The following NPHP4 variants were observed in gnomAD, a reference collection of about 807,000 sequenced individuals.
NPHP4 encodes nephrocystin-4.
A neutral mutation model predicts 155.8 loss-of-function variants in NPHP4; 151 were observed. The observed-to-expected ratio is 0.97, with a 90% CI of 0.85 to 1.11. The LOEUF (loss-of-function observed/expected upper bound fraction) is 1.11, where lower values mean the gene tolerates loss of function less well. Ranked by LOEUF, NPHP4 falls within the 50% of genes least tolerant of loss-of-function variation. The pLI, the probability that NPHP4 is intolerant of heterozygous loss-of-function variation, is 0.00. For synonymous variants in NPHP4, 845 were observed against 816.8 expected, an observed-to-expected ratio of 1.03 and a Z score of -0.59; for missense variants, 1,956 against 1,925.7, an observed-to-expected ratio of 1.02 and a Z score of -0.29.
intron 16 of NPHP4, among the ~76,000 whole-genome samples, chr1:5,891,537 T>A (rs1644127619): frequency 6.6e-6 from 1 of 152,230 alleles, no homozygotes; most frequent in Non-Finnish European, 1.5e-5. Context: ...TCCCGTGCGG[T>A]CTGCCCTGGT....
chr1:5,985,170 G>A (rs1655286415), intron 2 of NPHP4, among the ~76,000 whole-genome samples: 1 of 152,230 alleles, frequency 6.6e-6, no homozygotes, highest in Admixed American at 6.5e-5. Context: ...CACAGACCCG[G>A]GGCTCCAACA....
chr1:5,919,690 A>G (rs148632840), intron 11 of NPHP4, among the ~76,000 whole-genome samples: 40 of 151,944 alleles, frequency 2.6e-4, no homozygotes, highest in African/African-American at 9.7e-4. Context: ...CCCGGAACCT[A>G]CTTTCGTGGA....
intron 1 of NPHP4, among the ~76,000 whole-genome samples, chr1:5,989,284 G>C (rs1655907970): frequency 6.6e-6 from 1 of 152,164 alleles, no homozygotes. Flanking sequence ...CTACTTTTAA[G>C]CAACCAAGTC....
chr1:5,964,240 A>G (rs996903504), intron 5 of NPHP4, among the ~76,000 whole-genome samples: 3 of 152,206 alleles, frequency 2.0e-5, no homozygotes, highest in Admixed American at 2.0e-4. Flanking sequence ...CGACCCCGGA[A>G]GGGTCTGTTA....
intron 3 of NPHP4, among the ~76,000 whole-genome samples, chr1:5,972,869 G>A (rs1315045406): frequency 6.6e-6 from 1 of 151,850 alleles, no homozygotes; most frequent in Non-Finnish European, 1.5e-5. Context: ...AACCTAATTT[G>A]TAGGGTTTTT....
In NPHP4 at chr1:5,880,194, G is replaced by A. The variant is rs186014615; in HGVS notation, c.2531C>T (p.Pro844Leu). The change falls in exon 19 of 30, where the codon CCG becomes CTG. Residue 844 changes from proline to leucine, a missense_variant. Coordinates refer to ENST00000378156, the MANE Select transcript of NPHP4 (RefSeq NM_015102.5). Reference protein sequence around the residue: ...QKVRGCSTLPPSRSRVISNDG... With the variant: ...QKVRGCSTLPLSRSRVISNDG... ...GTTTGAGATGACCCGAGATCTGGAC[G>A]GTGGCAATGTGCTACAACCTCTCAC... 210 of 1,613,658 alleles carry A rather than the reference G, an allele frequency of 1.3e-4. 2 individuals are homozygous for A. Among genetic ancestry groups the A allele is most frequent in the African/African-American group, 1.2e-3 (90 of 75,042 alleles).
intron 19 of NPHP4, among the ~76,000 whole-genome samples, chr1:5,878,949 T>A (rs1378630834): frequency 1.3e-5 from 2 of 152,364 alleles, no homozygotes; most frequent in East Asian, 1.9e-4. Context: ...GCCACGGCAC[T>A]GGCCAAGTCA....
At chr1:5,912,537 CAAAAAAAAAAAA>C (rs752371714) in intron 11 of NPHP4, among the ~76,000 whole-genome samples, 246 of 77,898 alleles carry the variant, frequency 3.2e-3, no homozygotes, top group African/African-American at 9.4e-3. Flanking sequence ...GACTCCGTCT[CAAAAAAAAAAAA>C]AAAAAAGAAA....
intron 3 of NPHP4, among the ~76,000 whole-genome samples, chr1:5,977,634 A>G (rs1315490485): frequency 2.6e-5 from 4 of 151,278 alleles, no homozygotes; most frequent in African/African-American, 9.7e-5. Context: ...GCTGAATGGA[A>G]TGTATGCTGT....
At chr1:5,932,398 C>T (rs1646321998) in intron 10 of NPHP4, among the ~76,000 whole-genome samples, 1 of 152,150 alleles carries the variant, frequency 6.6e-6, no homozygotes, top group Admixed American at 6.5e-5. Flanking sequence ...AATATTACAT[C>T]TATATACCTT....
Position 5,890,994 on chromosome 1 carries a change from G to A in NPHP4, c.2178C>T (p.Gly726=). ...SPGFQLRYMV[G]PGFLKPGERR... is the part of the protein sequence containing the mutation. ...GCTCACCTGGCTTCAGGAACCCAGG[G>A]CCCACCATGTACCTCAGCTGGAAGC... Residue 726 remains glycine (G), a synonymous_variant, in exon 17 of 30, where the codon GGC becomes GGT. Coordinates refer to ENST00000378156, the MANE Select transcript of NPHP4 (RefSeq NM_015102.5). The surrounding 1 kb of genome is among the most constrained non-coding windows in gnomAD (Gnocchi z 4.9). 1 of 1,575,334 alleles carries A rather than the reference G, an allele frequency of 6.3e-7. No homozygotes were observed.
At chr1:5,914,257 CAAAAAAAAAAAAA>C (rs575438284) in intron 11 of NPHP4, among the ~76,000 whole-genome samples, 19 of 47,392 alleles carry the variant, frequency 4.0e-4, no homozygotes, top group Non-Finnish European at 6.3e-4. Context: ...CTTATCTATA[CAAAAAAAAAAAAA>C]AAAAAAAAAA....
chr1:5,931,179 T>C (rs1371488114), intron 10 of NPHP4, among the ~76,000 whole-genome samples: 1 of 152,194 alleles, frequency 6.6e-6, no homozygotes, highest in Non-Finnish European at 1.5e-5. Flanking sequence ...ATAGACAGTA[T>C]ATAGTTGGGC....
chr1:5,923,289 T>C (rs1425088626), intron 11 of NPHP4, among the ~76,000 whole-genome samples: 1 of 152,152 alleles, frequency 6.6e-6, no homozygotes, highest in Non-Finnish European at 1.5e-5. Context: ...CTAAAATACA[T>C]TTTCTTTTAA....
In NPHP4 at chr1:5,910,377, C is replaced by T. The variant is rs1006446698; in HGVS notation, c.1442-1164G>A. On this transcript the variant is annotated intron_variant, in intron 11 of 29. Transcript: ENST00000378156. The surrounding 1 kb of genome is among the most constrained non-coding windows in gnomAD (Gnocchi z 5.4). The stretch of plus-strand genomic sequence containing the variant: ...GGACTTCCAGGATAACCCAGACCTC[C>T]GGAGAAATCAGGCTTCCCCCATGGC... Among the ~76,000 whole-genome samples, 10 of 152,166 alleles carry T rather than the reference C, an allele frequency of 6.6e-5. No homozygotes were observed. Among genetic ancestry groups the T allele is most frequent in the Non-Finnish European group, 1.3e-4 (9 of 68,020 alleles).
At position 5,865,135 on chromosome 1, in the gene NPHP4, C is replaced by G. The variant is rs1396353429; in HGVS notation, c.3783G>C (p.Val1261=). 1.2e-6 allele frequency: 2 copies of G among 1,613,602 alleles called. No homozygotes were observed. The highest frequency in any genetic ancestry group is 1.7e-6 in the Non-Finnish European group (2 of 1,179,828). Residue 1261 remains valine, a synonymous_variant, in exon 27 of 30, where the codon GTG becomes GTC. Transcript: ENST00000378156. Reference sequence around the variant, plus strand: ...CCTGGGGATGAGAGGTGAAAGCTCTCACTTTCCTCACTGTCTGTGTCCCCC... The same window carrying G: ...CCTGGGGATGAGAGGTGAAAGCTCTGACTTTCCTCACTGTCTGTGTCCCCC... ...VLRGTQTVRK[V]RAFTSHPQEL...
intron 20 of NPHP4, chr1:5,875,937 T>C (rs1345281164): frequency 2.0e-5 from 3 of 152,314 alleles, no homozygotes; most frequent in Non-Finnish European, 4.4e-5. Flanking sequence ...CTGGCTTAAA[T>C]GACTTTGGAC....
Position 5,874,859 on chromosome 1 carries a change from C to T in NPHP4, c.3044+15G>A. 4.3e-6 allele frequency: 7 copies of T among 1,609,292 alleles called. No individual in the cohort carries two copies. The highest frequency in any genetic ancestry group is 1.1e-5 in the South Asian group (1 of 90,992). On this transcript the variant is annotated intron_variant, in intron 21 of 29. Transcript: ENST00000378156. ...GATCTGGGCTGGGGCAGGACGGGCA[C>T]CACTGAGACCTCACCTGAGCTCGGG...
chr1:5,877,869 C>A (rs1642783500), intron 19 of NPHP4, among the ~76,000 whole-genome samples: 1 of 152,202 alleles, frequency 6.6e-6, no homozygotes, highest in Non-Finnish European at 1.5e-5. Flanking sequence ...CAGGGACACA[C>A]AATGACTCAT....
Sources: allele counts gnomAD v4.1 joint callset (sites outside exome capture counted in the v4.1 genomes callset), GRCh38; gene constraint gnomAD v4.1.1; non-coding constraint Gnocchi (gnomAD v3.1); transcripts MANE v1.5; gene names NCBI Gene and HGNC (gene_info 2026-07-23, HGNC 2026-07-21).